Variants in TMEM63A observed in about 807,000 individuals in gnomAD.
TMEM63A encodes transmembrane protein 63A, also known as mechanosensitive cation channel TMEM63A.
Under a neutral mutation model 100.6 loss-of-function variants are expected in TMEM63A, and 76 were observed. The observed-to-expected ratio is 0.76, with a 90% CI of 0.63 to 0.91. TMEM63A has a LOEUF of 0.91. Among genes scored for constraint, TMEM63A ranks in the 40% least tolerant of loss-of-function variants. The pLI is 0.00. For missense variants in TMEM63A, 876 were observed against 1,008.8 expected (o/e 0.87, Z 1.78); for synonymous variants, 401 against 401.1 (o/e 1.00, Z 0.00).
chr1:225,847,478 A>G, intron 23 of TMEM63A: 1 of 393,322 alleles, frequency 2.5e-6, no homozygotes, highest in Non-Finnish European at 4.6e-6. Context: ...AGGAAACTAA[A>G]CTTCCTAGCC....
intron 3 of TMEM63A, 144 bp from the exon 4 acceptor site, chr1:225,874,511 C>T: frequency 4.5e-6 from 3 of 664,824 alleles, no homozygotes; most frequent in Non-Finnish European, 7.6e-6. Flanking sequence ...CACTGAAGTG[C>T]CCAAGGCCAT....
At chr1:225,880,472 T>C (rs956554342) in intron 1 of TMEM63A, among the ~76,000 whole-genome samples, 2 of 151,974 alleles carry the variant, frequency 1.3e-5, no homozygotes, top group Non-Finnish European at 2.9e-5. Flanking sequence ...GGCAGCTGTA[T>C]AGAGGAGGCC....
rs1472867340 is a variant in TMEM63A, at chr1:225,877,607, A to C, written c.-14-13T>G. ...GCGCCTGTCTTCCCTGGAGCACAGG[A>C]CAACAGGACAAGGCAGACGTTCAGG... is the stretch of plus-strand genomic sequence containing the variant. On this transcript the variant is annotated splice_polypyrimidine_tract_variant and intron_variant, in intron 2 of 24. Coordinates refer to ENST00000366835, the MANE Select transcript of TMEM63A (RefSeq NM_014698.3). 1 of 1,604,150 alleles carries C rather than the reference A, an allele frequency of 6.2e-7. No individual in the cohort carries two copies. The highest frequency in any genetic ancestry group is 2.2e-5 in the East Asian group (1 of 44,680).
In TMEM63A at chr1:225,857,460, C is replaced by T. The variant is rs138985237; in HGVS notation, c.1378-443G>A. Among the ~76,000 whole-genome samples the T allele has an allele frequency of 2.3e-3, 346 of 151,186 alleles. 2 individuals carry two copies. Among genetic ancestry groups the T allele is most frequent in the African/African-American group, 8.2e-3 (336 of 40,894 alleles). ...ATATCAGGGCTCCACTGTGTGTGTC[C>T]ACAATCCTGCTGTTTGTTACTGGGA... On this transcript the variant is annotated intron_variant, in intron 15 of 24. Coordinates refer to ENST00000366835, the MANE Select transcript of TMEM63A (RefSeq NM_014698.3).
At position 225,858,899 on chromosome 1, in the gene TMEM63A, T is replaced by G. The variant is rs139191300; in HGVS notation, c.1377+297A>C. On this transcript the variant is annotated intron_variant, in intron 15 of 24. Transcript: ENST00000366835. ...TGATCCCTACCATTCAGTATTTAGA[T>G]AGTCTATTAAAATATATATGTATGC... is the stretch of plus-strand genomic sequence containing the variant. 5.4e-4 allele frequency among the ~76,000 whole-genome samples: 80 copies of G among 148,010 alleles called. 2 individuals carry two copies. The highest frequency in any genetic ancestry group is 2.0e-3 in the African/African-American group (75 of 37,696).
chr1:225,845,202 C>A, downstream of TMEM63A: 1 of 1,614,166 alleles, frequency 6.2e-7, no homozygotes, highest in Non-Finnish European at 8.5e-7. Context: ...CTATTGCACA[C>A]GCCTGAAAAG....
At chr1:225,874,789 A>G (rs1670694520) in intron 3 of TMEM63A, among the ~76,000 whole-genome samples, 3 of 152,162 alleles carry the variant, frequency 2.0e-5, no homozygotes. Flanking sequence ...CACTTTACAG[A>G]AAATTTTTTT....
chr1:225,845,181 T>A (rs956491070), downstream of TMEM63A: 1 of 1,613,964 alleles, frequency 6.2e-7, no homozygotes. Flanking sequence ...TTCTCTGCCT[T>A]CCCTTTTGAG....
chr1:225,840,914 G>C (rs1196949640), downstream of TMEM63A: 1 of 152,168 alleles, frequency 6.6e-6, no homozygotes, highest in East Asian at 1.9e-4. Flanking sequence ...ATAAAAGTCA[G>C]CATTTTTCTC....
chr1:225,868,710 T>G (rs771988418), intron 6 of TMEM63A, among the ~76,000 whole-genome samples: 1 of 149,244 alleles, frequency 6.7e-6, no homozygotes, highest in Non-Finnish European at 1.5e-5. Flanking sequence ...AAAAAAAGAA[T>G]AAAGTTGGGA....
chr1:225,866,119 A>G (rs1670195197), intron 9 of TMEM63A, 152 bp from the exon 10 acceptor site: 2 of 734,552 alleles, frequency 2.7e-6, no homozygotes, highest in Non-Finnish European at 4.6e-6. Flanking sequence ...GAGCCCCCAA[A>G]GCATGTCATT....
rs377048953 is a variant in TMEM63A, at chr1:225,848,641, C to T, written c.2188-87G>A. 1.2e-5 allele frequency: 17 copies of T among 1,396,398 alleles called. No homozygotes were observed. Among genetic ancestry groups the T allele is most frequent in the Admixed American group, 5.3e-5 (3 of 56,600 alleles). The allele number at this position is 1,396,398 out of a possible 1,614,324, so 86.5% of individuals were successfully genotyped here. ...TCCAAACACACAGACTATTAACACCCGGAATAATAGTACCAGCTGGCACCA... is the reference window on the plus strand; with the variant it reads ...TCCAAACACACAGACTATTAACACCTGGAATAATAGTACCAGCTGGCACCA... On this transcript the variant is annotated intron_variant, in intron 22 of 24. Coordinates refer to ENST00000366835, the MANE Select transcript of TMEM63A (RefSeq NM_014698.3).
At chr1:225,849,344 G>A (rs969043237) in intron 21 of TMEM63A, among the ~76,000 whole-genome samples, 5 of 152,164 alleles carry the variant, frequency 3.3e-5, no homozygotes, top group African/African-American at 9.7e-5. Context: ...GGGCTAGAGA[G>A]GATGGACCCT....
chr1:225,876,336 A>G (rs1670801965), intron 3 of TMEM63A, among the ~76,000 whole-genome samples: 1 of 149,172 alleles, frequency 6.7e-6, no homozygotes, highest in South Asian at 2.1e-4. Flanking sequence ...CACCCTCCCC[A>G]TGTTCCCCAC....
At chr1:225,854,493 G>C (rs1669513854) in intron 18 of TMEM63A, among the ~76,000 whole-genome samples, 1 of 152,200 alleles carries the variant, frequency 6.6e-6, no homozygotes, top group Non-Finnish European at 1.5e-5. Flanking sequence ...GTATGGCATG[G>C]GAGGGATAGA....
Position 225,877,383 on chromosome 1 carries a change from G to A in TMEM63A, c.186+12C>T. The A allele has an allele frequency of 1.9e-6, 3 of 1,606,132 alleles. No homozygotes were observed. The East Asian group carries it at 6.7e-5, about 36-fold the overall frequency. On this transcript the variant is annotated intron_variant, in intron 3 of 24. Transcript: ENST00000366835. ...ACTGAGGCAGTGGGACACGACTCAT[G>A]AGGGCTCTCACCAGGAAGCAGCTGA...
At chr1:225,863,606 A>G (rs1670051476) in intron 10 of TMEM63A, among the ~76,000 whole-genome samples, 1 of 152,060 alleles carries the variant, frequency 6.6e-6, no homozygotes, top group South Asian at 2.1e-4. Flanking sequence ...AGACCAGAAA[A>G]TATCTACACA....
chr1:225,871,140 C>T, intron 5 of TMEM63A, 27 bp from the exon 6 acceptor site: 1 of 1,611,956 alleles, frequency 6.2e-7, no homozygotes, highest in East Asian at 2.2e-5. Flanking sequence ...CAGGGATTAG[C>T]TTCCAACATT....
chr1:225,866,011 G>T (rs775434505), intron 9 of TMEM63A, 44 bp from the exon 10 acceptor site: 5 of 1,602,384 alleles, frequency 3.1e-6, no homozygotes, highest in Non-Finnish European at 4.3e-6. Flanking sequence ...CCACAAGCCA[G>T]TGTGCCGGTA....
Sources: allele counts gnomAD v4.1 joint callset (sites outside exome capture counted in the v4.1 genomes callset), GRCh38; gene constraint gnomAD v4.1.1; transcripts MANE v1.5; gene names NCBI Gene and HGNC (gene_info 2026-07-23, HGNC 2026-07-21).